GLIS3: variants seen among roughly 807,000 people sequenced by gnomAD.
The protein encoded by GLIS3 is GLIS family zinc finger 3, also known as zinc finger protein GLIS3.
In GLIS3, 53 loss-of-function variants were observed where a neutral mutation model predicts 78.6. The observed-to-expected ratio is 0.67, with a 90% CI of 0.54 to 0.85. GLIS3 has a LOEUF of 0.85. GLIS3 is among the 40% of genes least tolerant of loss of function. GLIS3 has a pLI of 0.00. For synonymous variants in GLIS3, 684 were observed against 509.9 expected, an observed-to-expected ratio of 1.34 and a Z score of -4.60; for missense variants, 1,703 against 1,231.1, an observed-to-expected ratio of 1.38 and a Z score of -5.74.
chr9:4,370,517 C>T, the GLIS3 span, among the ~76,000 whole-genome samples: 2 of 152,172 alleles, frequency 1.3e-5, no homozygotes, highest in South Asian at 2.1e-4. Context: ...ATTGTCAAGA[C>T]CTTTGAGGAT....
intron 2 of GLIS3, among the ~76,000 whole-genome samples, chr9:4,345,842 A>C (rs763395777): frequency 7.9e-5 from 12 of 152,246 alleles, no homozygotes; most frequent in Non-Finnish European, 1.8e-4. Flanking sequence ...GGAGTAAGGC[A>C]GGGAATGACA....
At chr9:4,162,598 G>A (rs13294305) in intron 2 of GLIS3, among the ~76,000 whole-genome samples, 5 of 152,094 alleles carry the variant, frequency 3.3e-5, no homozygotes, top group East Asian at 3.9e-4. Flanking sequence ...GGTGGCTCAC[G>A]CCTGTAATCC....
chr9:3,832,024 G>T (rs1165564049), intron 9 of GLIS3, among the ~76,000 whole-genome samples: 1 of 151,444 alleles, frequency 6.6e-6, no homozygotes, highest in African/African-American at 2.4e-5. Context: ...CTGGATCCTG[G>T]GGTTCAAATC....
chr9:4,289,189 A>C (rs146916228), intron 1 of GLIS3, among the ~76,000 whole-genome samples: 6 of 152,294 alleles, frequency 3.9e-5, no homozygotes, highest in Admixed American at 6.5e-5. Flanking sequence ...TTCTGGACTT[A>C]CAGTTTTTCA....
chr9:4,273,949 T>C (rs188214754), intron 2 of GLIS3, among the ~76,000 whole-genome samples: 88 of 152,332 alleles, frequency 5.8e-4, no homozygotes, highest in Non-Finnish European at 1.0e-3. Flanking sequence ...TGTGCAGCTT[T>C]GTTCATCAGC....
intron 2 of GLIS3, among the ~76,000 whole-genome samples, chr9:4,150,217 A>G (rs1359700214): frequency 6.6e-6 from 1 of 152,214 alleles, no homozygotes; most frequent in Non-Finnish European, 1.5e-5. Flanking sequence ...ATAAAGCTGA[A>G]AGGGGGTCTT....
intron 2 of GLIS3, among the ~76,000 whole-genome samples, chr9:4,254,519 G>A (rs987128501): frequency 6.6e-6 from 1 of 152,166 alleles, no homozygotes; most frequent in African/African-American, 2.4e-5. Flanking sequence ...GGAAGGGTTA[G>A]AAGAGCTAAA....
chr9:4,328,319 C>G (rs76410465), intron 2 of GLIS3, among the ~76,000 whole-genome samples: 3,675 of 152,294 alleles, frequency 0.024, 141 homozygotes, highest in African/African-American at 0.081. Flanking sequence ...ACAGCTCCCC[C>G]TGAAGTTCCA....
rs535978 is a variant in GLIS3 at position 3,932,283 on chromosome 9, C to G, written c.1983+77G>C. The G allele has an allele frequency of 0.46, 498,638 of 1,087,398 alleles. 119,992 individuals are homozygous for G. Among genetic ancestry groups the G allele is most frequent in the Admixed American group, 0.6 (35,224 of 58,332 alleles). The allele number at this position is 1,087,398 out of a possible 1,614,324, so 67.4% of individuals were successfully genotyped here. On this transcript the variant is annotated intron_variant, in intron 6 of 10. Transcript: ENST00000381971. ...ATGAGAAGTATAAGAATTTCAAGTGCCCTGCAGAAGCTTCGTGTACTACAA... is the reference window on the plus strand; with the variant it reads ...ATGAGAAGTATAAGAATTTCAAGTGGCCTGCAGAAGCTTCGTGTACTACAA...
At chr9:4,415,970 A>T in the GLIS3 span, among the ~76,000 whole-genome samples, 1,183 of 151,358 alleles carry the variant, frequency 7.8e-3, 17 homozygotes, top group African/African-American at 0.028. Flanking sequence ...CTGCCATTTT[A>T]AAAAATACAA....
At chr9:4,270,495 G>C (rs147791578) in intron 2 of GLIS3, among the ~76,000 whole-genome samples, 1 of 152,304 alleles carries the variant, frequency 6.6e-6, no homozygotes, top group East Asian at 1.9e-4. Flanking sequence ...AAACGGGGAA[G>C]CATCTGCTTC....
At position 3,911,100 on chromosome 9, in the gene GLIS3, T is replaced by TCTTC. The variant is rs534986962; in HGVS notation, c.1984-12269_1984-12266dup. Among the ~76,000 whole-genome samples the TCTTC allele has an allele frequency of 8.5e-3, 1,297 of 151,826 alleles. 10 individuals carry two copies. Among genetic ancestry groups the TCTTC allele is most frequent in the African/African-American group, 0.029 (1,210 of 41,454 alleles). On this transcript the variant is annotated intron_variant, in intron 6 of 10. Coordinates refer to ENST00000381971, the MANE Select transcript of GLIS3 (RefSeq NM_001042413.2). ...TTTTTAAAATCCATCTTCCTTCCTT[T>TCTTC]CTTCCTTCCTTCCTTCCTTCCTTTC... is the stretch of plus-strand genomic sequence containing the variant.
intron 4 of GLIS3, among the ~76,000 whole-genome samples, chr9:4,032,777 G>A (rs1199211134): frequency 1.3e-5 from 2 of 151,960 alleles, no homozygotes; most frequent in African/African-American, 4.8e-5. Flanking sequence ...GGATGCCCCT[G>A]CCCCCACTGC....
chr9:3,871,750 G>C (rs1820982382), intron 8 of GLIS3, among the ~76,000 whole-genome samples: 1 of 152,204 alleles, frequency 6.6e-6, no homozygotes, highest in African/African-American at 2.4e-5. Flanking sequence ...CTTGGGGCCT[G>C]TGACTGGAGG....
chr9:3,837,393 T>C (rs1317301718), intron 9 of GLIS3, among the ~76,000 whole-genome samples: 60 of 152,220 alleles, frequency 3.9e-4, no homozygotes, highest in Admixed American at 3.8e-3. Flanking sequence ...ATGCTTACCA[T>C]AGGATTCAGC....
At chr9:3,871,697 G>A (rs1820978784) in intron 8 of GLIS3, among the ~76,000 whole-genome samples, 1 of 152,222 alleles carries the variant, frequency 6.6e-6, no homozygotes, top group Non-Finnish European at 1.5e-5. Flanking sequence ...CACAGCACAG[G>A]GACCCTGGGC....
At chr9:4,391,371 T>G in the GLIS3 span, among the ~76,000 whole-genome samples, 1 of 152,216 alleles carries the variant, frequency 6.6e-6, no homozygotes, top group African/African-American at 2.4e-5. Flanking sequence ...AGGGGGTGTG[T>G]TCTCTTATTG....
chr9:4,263,663 T>G (rs1022197767), intron 2 of GLIS3, among the ~76,000 whole-genome samples: 7 of 152,202 alleles, frequency 4.6e-5, no homozygotes, highest in Non-Finnish European at 1.5e-5. Context: ...AACATGGCCT[T>G]TGAACTCCTG....
In GLIS3 at chr9:4,286,172, C is replaced by T. The variant is rs1324912652; in HGVS notation, c.254G>A (p.Ser85Asn). 4.3e-6 allele frequency: 7 copies of T among 1,614,068 alleles called. No individual in the cohort carries two copies. The highest frequency in any genetic ancestry group is 1.3e-5 in the African/African-American group (1 of 74,912). Residue 85 changes from serine (S) to asparagine (N), a missense_variant, in exon 2 of 11, where the codon AGC becomes AAC. By Grantham distance (46) the Ser-to-Asn change is conservative (BLOSUM62 1). Coordinates refer to ENST00000381971, the MANE Select transcript of GLIS3 (RefSeq NM_001042413.2). ...AESRIHLPAL[S>N]PRRQMLTNGK... ...ATTGGTGAGCATTTGTCTCCTGGGG[C>T]TTAAGGCAGGCAGATGGATGCGGCT...
Sources: gnomAD v4.1 joint callset for allele counts (sites outside exome capture counted in the v4.1 genomes callset) on GRCh38, gnomAD v4.1.1 for gene constraint, MANE v1.5 for transcripts, NCBI Gene and HGNC (gene_info 2026-07-23, HGNC 2026-07-21) for gene names.